The following GSK3B variants were observed in gnomAD, a reference collection of about 807,000 sequenced individuals.
GSK3B encodes glycogen synthase kinase 3 beta.
A neutral mutation model predicts 56.4 loss-of-function variants in GSK3B; 15 were observed. That is an observed-to-expected ratio of 0.27 (90% CI 0.18 to 0.41). The LOEUF is 0.41. GSK3B is among the 10% of genes least tolerant of loss of function. The pLI is 1.00. For synonymous variants in GSK3B, 181 were observed against 188.9 expected, an observed-to-expected ratio of 0.96 and a Z score of 0.34; for missense variants, 300 against 513.4, an observed-to-expected ratio of 0.58 and a Z score of 4.02.
chr3:119,923,472 G>C lies in GSK3B; in HGVS notation c.378C>G (p.Val126=), dbSNP rs772436913. ...CATAGTCCAGCACCAGATTAAGATAGACCTCATCTTTCTGAAAGAGTTTAT... is the reference window on the plus strand; with the variant it reads ...CATAGTCCAGCACCAGATTAAGATACACCTCATCTTTCTGAAAGAGTTTAT... The part of the protein sequence containing the change: ...FYSSGEKKDE[V]YLNLVLDYVP... The change falls in exon 4 of 11, where the codon GTC becomes GTG. Residue 126 remains valine (V), a synonymous_variant. Coordinates refer to ENST00000264235, the MANE Select transcript of GSK3B (RefSeq NM_001146156.2). 7.8e-6 allele frequency: 12 copies of C among 1,545,860 alleles called. No individual in the cohort carries two copies. Among genetic ancestry groups the C allele is most frequent in the Non-Finnish European group, 1.1e-5 (12 of 1,128,416 alleles).
intron 9 of GSK3B, among the ~76,000 whole-genome samples, chr3:119,859,561 A>G (rs984948540): frequency 1.3e-5 from 2 of 152,144 alleles, no homozygotes; most frequent in Non-Finnish European, 2.9e-5. Flanking sequence ...CCCATCTCCT[A>G]CTCATTTTCA....
At chr3:119,965,546 T>C (rs2057311385) in intron 2 of GSK3B, among the ~76,000 whole-genome samples, 1 of 151,710 alleles carries the variant, frequency 6.6e-6, no homozygotes, top group Non-Finnish European at 1.5e-5. Flanking sequence ...TAAAAAAGAA[T>C]ACTTAATCAA....
chr3:120,050,381 T>C (rs1576296564), intron 1 of GSK3B, among the ~76,000 whole-genome samples: 2 of 152,356 alleles, frequency 1.3e-5, no homozygotes, highest in South Asian at 4.1e-4. Flanking sequence ...TAAAACTTGA[T>C]TTACAAAGAC....
At chr3:119,982,161 G>A in intron 2 of GSK3B, among the ~76,000 whole-genome samples, 1 of 151,346 alleles carries the variant, frequency 6.6e-6, no homozygotes, top group East Asian at 2.0e-4. Context: ...GAAAGGAATA[G>A]CATCAACATC....
intron 1 of GSK3B, among the ~76,000 whole-genome samples, chr3:120,049,830 G>A (rs1469035819): frequency 6.6e-6 from 1 of 152,160 alleles, no homozygotes; most frequent in Non-Finnish European, 1.5e-5. Context: ...AAGCCATACA[G>A]TCTCGGTCAC....
intron 7 of GSK3B, among the ~76,000 whole-genome samples, chr3:119,884,012 C>T (rs2056407753): frequency 6.6e-6 from 1 of 152,108 alleles, no homozygotes; most frequent in Non-Finnish European, 1.5e-5. Flanking sequence ...TTTGGTAGTA[C>T]CTGCGGTATA....
intron 8 of GSK3B, among the ~76,000 whole-genome samples, chr3:119,866,184 T>C (rs1384823646): frequency 6.6e-6 from 1 of 152,066 alleles, no homozygotes; most frequent in Non-Finnish European, 1.5e-5. Flanking sequence ...TGAATTATTT[T>C]TGCTTCTAAA....
chr3:119,858,204 G>A (rs921162443), intron 9 of GSK3B, among the ~76,000 whole-genome samples: 3 of 152,264 alleles, frequency 2.0e-5, no homozygotes, highest in Non-Finnish European at 4.4e-5. Context: ...TAACAAATGA[G>A]TCAACCTATC....
chr3:120,062,527 C>G (rs932699608), intron 1 of GSK3B, among the ~76,000 whole-genome samples: 1 of 152,108 alleles, frequency 6.6e-6, no homozygotes, highest in Non-Finnish European at 1.5e-5. Flanking sequence ...AGAACAGATA[C>G]TTAAGAATTG....
At chr3:119,981,396 T>A (rs1427539721) in intron 2 of GSK3B, among the ~76,000 whole-genome samples, 1 of 152,168 alleles carries the variant, frequency 6.6e-6, no homozygotes, top group Non-Finnish European at 1.5e-5. Context: ...GGTGGGGCGT[T>A]GCATCACCCA....
chr3:119,989,256 A>C, intron 2 of GSK3B, among the ~76,000 whole-genome samples: 1 of 152,206 alleles, frequency 6.6e-6, no homozygotes, highest in East Asian at 1.9e-4. Context: ...TACAGGAATC[A>C]ACTCCTAAAT....
chr3:119,967,743 G>A (rs565443211), intron 2 of GSK3B, among the ~76,000 whole-genome samples: 7 of 149,016 alleles, frequency 4.7e-5, no homozygotes, highest in Non-Finnish European at 8.9e-5. Flanking sequence ...CTCCCGTCCC[G>A]TCCCCTCCCC....
chr3:119,983,672 T>A (rs1278816486), intron 2 of GSK3B, among the ~76,000 whole-genome samples: 1 of 152,138 alleles, frequency 6.6e-6, no homozygotes, highest in Non-Finnish European at 1.5e-5. Flanking sequence ...CCTAAAGATA[T>A]ATGCACCCAA....
chr3:120,041,748 G>C (rs2058066473), intron 1 of GSK3B, among the ~76,000 whole-genome samples: 1 of 152,332 alleles, frequency 6.6e-6, no homozygotes, highest in South Asian at 2.1e-4. Flanking sequence ...CTTCAGGACT[G>C]GGCGACAGTT....
At chr3:120,015,522 C>T (rs573418606) in intron 1 of GSK3B, among the ~76,000 whole-genome samples, 95 of 151,828 alleles carry the variant, frequency 6.3e-4, no homozygotes, top group African/African-American at 2.1e-3. Flanking sequence ...TGGTGGCGCA[C>T]GCCTGTAATC....
chr3:119,947,942 C>T (rs867680769), intron 2 of GSK3B, among the ~76,000 whole-genome samples: 5 of 150,336 alleles, frequency 3.3e-5, no homozygotes, highest in Middle Eastern at 7.0e-3. Flanking sequence ...CCACACAAAA[C>T]TATTTTCCCT....
At position 119,961,943 on chromosome 3, in the gene GSK3B, T is replaced by A. The variant is rs143159673; in HGVS notation, c.283-14592A>T. Among the ~76,000 whole-genome samples the A allele has an allele frequency of 8.5e-4, 130 of 152,300 alleles. 1 individual carries two copies. In the East Asian group the frequency reaches 0.023, roughly 26 times the overall value. On this transcript the variant is annotated intron_variant, in intron 2 of 10. Transcript: ENST00000264235. The stretch of plus-strand genomic sequence containing the variant: ...GGCCAACATAGGTGTTCTGAGCACG[T>A]TTAAGGTAAGCTAGGCTAAGCTATA...
chr3:119,823,042 G>A lies in GSK3B; in HGVS notation c.*3746C>T, dbSNP rs2055438051. 1 of 229,712 alleles carries A rather than the reference G, an allele frequency of 4.4e-6. No homozygotes were observed. Among genetic ancestry groups the A allele is most frequent in the Admixed American group, 5.7e-5 (1 of 17,654 alleles). The allele number at this position is 229,712 out of a possible 1,614,324, so 14.2% of individuals were successfully genotyped here. The stretch of plus-strand genomic sequence containing the variant: ...AACCAAAAATGTGTCTAAAAATTAA[G>A]AGGACTTAAAAAAAATGACACAGCA... On this transcript the variant is annotated 3_prime_UTR_variant, in exon 11 of 11. Coordinates refer to ENST00000264235, the MANE Select transcript of GSK3B (RefSeq NM_001146156.2).
intron 2 of GSK3B, among the ~76,000 whole-genome samples, chr3:119,999,930 CTATGAAGAACCAT>C (rs1225187408): frequency 6.6e-6 from 1 of 152,170 alleles, no homozygotes; most frequent in East Asian, 1.9e-4. Flanking sequence ...ACTTTCTAGA[CTATGAAGAACCAT>C]AGAAGATTTA....
Sources: gnomAD v4.1 joint callset for allele counts (sites outside exome capture counted in the v4.1 genomes callset) on GRCh38, gnomAD v4.1.1 for gene constraint, MANE v1.5 for transcripts, NCBI Gene and HGNC (gene_info 2026-07-23, HGNC 2026-07-21) for gene names.